The following KIDINS220 variants were observed in gnomAD, a reference collection of about 807,000 sequenced individuals.
The protein encoded by KIDINS220 is kinase D-interacting substrate of 220 kDa.
In KIDINS220, 63 loss-of-function variants were observed where a neutral mutation model predicts 157.6. The ratio of observed to expected loss-of-function variants is 0.40; its 90% CI spans 0.33 to 0.49. KIDINS220 has a LOEUF of 0.49. Among genes scored for constraint, KIDINS220 ranks in the 20% least tolerant of loss-of-function variants. The pLI is 0.66. For missense variants in KIDINS220, 1,772 were observed against 2,171.2 expected, an observed-to-expected ratio of 0.82 and a Z score of 3.65; for synonymous variants, 732 against 783.6, an observed-to-expected ratio of 0.93 and a Z score of 1.10.
intron 1 of KIDINS220, among the ~76,000 whole-genome samples, 178 bp downstream of exon 1, chr2:8,837,302 C>A (rs1304562659): frequency 6.6e-6 from 1 of 152,156 alleles, no homozygotes; most frequent in South Asian, 2.1e-4. Flanking sequence ...GGGGCCCGAG[C>A]GTCCGGGGCC....
chr2:8,725,437 A>G (rs952643215), downstream of KIDINS220: 4 of 152,244 alleles, frequency 2.6e-5, no homozygotes, highest in Admixed American at 6.5e-5. Context: ...ATTAAAACCA[A>G]TTTAAATTCT....
intron 21 of KIDINS220, among the ~76,000 whole-genome samples, chr2:8,774,432 G>C (rs1670679783): frequency 6.6e-6 from 1 of 152,194 alleles, no homozygotes; most frequent in African/African-American, 2.4e-5. Context: ...GTGAATTAGA[G>C]GTGATTTTTT....
At chr2:8,818,571 C>A (rs1677441027) in intron 3 of KIDINS220, 124 bp downstream of exon 3, 2 of 583,086 alleles carry the variant, frequency 3.4e-6, no homozygotes, top group Non-Finnish European at 6.1e-6. Context: ...ACTGATATAG[C>A]CCACTAGGCA....
intron 17 of KIDINS220, among the ~76,000 whole-genome samples, chr2:8,781,690 A>G (rs1275782159): frequency 6.6e-6 from 1 of 152,240 alleles, no homozygotes; most frequent in Non-Finnish European, 1.5e-5. Flanking sequence ...AAAAAGTCTC[A>G]AGAGAAATTT....
chr2:8,774,275 G>A (rs1314140971), intron 21 of KIDINS220, among the ~76,000 whole-genome samples: 1 of 145,516 alleles, frequency 6.9e-6, no homozygotes, highest in Non-Finnish European at 1.5e-5. Flanking sequence ...CAGCCTGGGA[G>A]ACAGGGTGAG....
At chr2:8,780,520 CTGTGTGTG>C (rs34620607) in intron 17 of KIDINS220, among the ~76,000 whole-genome samples, 2 of 148,964 alleles carry the variant, frequency 1.3e-5, no homozygotes, top group East Asian at 3.9e-4. Flanking sequence ...GTGTGTGTGT[CTGTGTGTG>C]TGTGTGTGTG....
At chr2:8,772,373 G>A (rs1558389222) in intron 21 of KIDINS220, among the ~76,000 whole-genome samples, 5 of 152,054 alleles carry the variant, frequency 3.3e-5, no homozygotes, top group Admixed American at 2.6e-4. Flanking sequence ...CTACTCGAGA[G>A]GCTGAGGCAG....
chr2:8,785,925 A>G lies in KIDINS220; in HGVS notation c.2045T>C (p.Val682Ala). Residue 682 changes from valine (V) to alanine (A), a missense_variant, in exon 17 of 30, where the codon GTT (valine) becomes GCT (alanine). Val to Ala is a moderately conservative substitution (Grantham distance 64). Coordinates refer to ENST00000256707, the MANE Select transcript of KIDINS220 (RefSeq NM_020738.4). ...SGITLLAIFR[V>A]DPKHLTVNAV... ...ATTTACAGTCAGATGCTTTGGGTCA[A>G]CTCTAAATATAGCCAGAAGAGTAAT... The G allele has an allele frequency of 8.1e-6, 13 of 1,614,176 alleles. No homozygotes were observed. Among genetic ancestry groups the G allele is most frequent in the Non-Finnish European group, 1.1e-5 (13 of 1,180,002 alleles).
chr2:8,779,309 G>A (rs545726002), intron 18 of KIDINS220, among the ~76,000 whole-genome samples, 170 bp from the exon 19 acceptor site: 11 of 152,206 alleles, frequency 7.2e-5, no homozygotes, highest in African/African-American at 2.6e-4. Flanking sequence ...GCTCAATCTA[G>A]GTTTGTTGTC....
chr2:8,800,291 G>A, intron 9 of KIDINS220, 109 bp downstream of exon 9: 1 of 625,182 alleles, frequency 1.6e-6, no homozygotes, highest in Non-Finnish European at 2.7e-6. Flanking sequence ...AATGTACTAG[G>A]GTTTACAAGT....
At chr2:8,787,237 T>TA (rs1672537211) in intron 15 of KIDINS220, among the ~76,000 whole-genome samples, 1 of 152,014 alleles carries the variant, frequency 6.6e-6, no homozygotes, top group Admixed American at 6.5e-5. Flanking sequence ...CTTAATTCTC[T>TA]ATGCTAGTTA....
rs893965602 is a variant in KIDINS220 at position 8,741,460 on chromosome 2, G to GTCCCAGCTA, written c.3586-4470_3586-4462dup. Among the ~76,000 whole-genome samples, 67 of 152,146 alleles carry GTCCCAGCTA rather than the reference G, an allele frequency of 4.4e-4. 1 individual carries two copies. Among genetic ancestry groups the GTCCCAGCTA allele is most frequent in the African/African-American group, 1.6e-3 (65 of 41,506 alleles). On this transcript the variant is annotated intron_variant, in intron 26 of 29. Coordinates refer to ENST00000256707, the MANE Select transcript of KIDINS220 (RefSeq NM_020738.4). ...TCACTGTGCGGTGGTGCACGCCTGG[G>GTCCCAGCTA]TCCCAGCTACTCGGAAGGCTGAGGC...
chr2:8,781,311 A>C (rs1166300771), intron 17 of KIDINS220, among the ~76,000 whole-genome samples: 1 of 151,906 alleles, frequency 6.6e-6, no homozygotes, highest in Non-Finnish European at 1.5e-5. Flanking sequence ...TAAATCCACT[A>C]TCATAGCTTG....
At chr2:8,835,287 T>C (rs574885732) in intron 1 of KIDINS220, among the ~76,000 whole-genome samples, 78 of 152,314 alleles carry the variant, frequency 5.1e-4, no homozygotes, top group Non-Finnish European at 7.4e-4. Flanking sequence ...ATACCTCTTC[T>C]GAAGGACTTT....
chr2:8,828,967 T>G (rs1446753525), intron 1 of KIDINS220, among the ~76,000 whole-genome samples: 1 of 152,200 alleles, frequency 6.6e-6, no homozygotes, highest in Non-Finnish European at 1.5e-5. Context: ...GACTGTGGAC[T>G]TTGGGTTGAT....
intron 6 of KIDINS220, among the ~76,000 whole-genome samples, chr2:8,811,207 A>G (rs896502171): frequency 6.6e-6 from 1 of 152,202 alleles, no homozygotes; most frequent in African/African-American, 2.4e-5. Context: ...ATTTAGCTAC[A>G]ATGCTATAAA....
Position 8,832,142 on chromosome 2 carries a change from T to G in KIDINS220, c.-36-5013A>C, listed in dbSNP as rs1315712513. Among the ~76,000 whole-genome samples the G allele has an allele frequency of 2.6e-5, 4 of 152,258 alleles. No homozygotes were observed. The Middle Eastern group carries it at 0.014, about 518-fold the overall frequency. ...CTTCCCCGAATCACCTAACATCATC[T>G]CGAATCTTCTAAGTCCTTTCTAACA... is the stretch of plus-strand genomic sequence containing the variant. On this transcript the variant is annotated intron_variant, in intron 1 of 29. Coordinates refer to ENST00000256707, the MANE Select transcript of KIDINS220 (RefSeq NM_020738.4).
chr2:8,774,435 G>A (rs1670681320), intron 21 of KIDINS220, among the ~76,000 whole-genome samples: 1 of 152,084 alleles, frequency 6.6e-6, no homozygotes, highest in South Asian at 2.1e-4. Context: ...AATTAGAGGT[G>A]ATTTTTTCTG....
intron 7 of KIDINS220, among the ~76,000 whole-genome samples, chr2:8,803,425 G>A (rs1442458985): frequency 2.6e-5 from 4 of 152,066 alleles, no homozygotes; most frequent in Non-Finnish European, 4.4e-5. Flanking sequence ...AACTAACTCA[G>A]TAATGAAGGA....
Sources: allele counts gnomAD v4.1 joint callset (sites outside exome capture counted in the v4.1 genomes callset), GRCh38; gene constraint gnomAD v4.1.1; transcripts MANE v1.5; gene names NCBI Gene and HGNC (gene_info 2026-07-23, HGNC 2026-07-21).